STAU1: variants seen among roughly 807,000 people sequenced by gnomAD.
The protein encoded by STAU1 is double-stranded RNA-binding protein Staufen homolog 1.
A neutral mutation model predicts 62.9 loss-of-function variants in STAU1; 13 were observed. The observed-to-expected ratio is 0.21, with a 90% confidence interval of 0.13 to 0.33. STAU1 has a LOEUF of 0.33. Ranked by LOEUF, STAU1 falls within the 10% of genes least tolerant of loss-of-function variation. STAU1 has a pLI of 1.00. For missense variants in STAU1, 571 were observed against 712.1 expected, an observed-to-expected ratio of 0.80 and a Z score of 2.25; for synonymous variants, 269 against 265.1, an observed-to-expected ratio of 1.01 and a Z score of -0.14.
At chr20:49,203,917 C>A in the STAU1 span, among the ~76,000 whole-genome samples, 1 of 152,176 alleles carries the variant, frequency 6.6e-6, no homozygotes, top group African/African-American at 2.4e-5. Flanking sequence ...GAAATCCTGA[C>A]CTTGTGATCC....
At chr20:49,138,431 T>A (rs1238212099) in intron 5 of STAU1, among the ~76,000 whole-genome samples, 1 of 152,224 alleles carries the variant, frequency 6.6e-6, no homozygotes, top group African/African-American at 2.4e-5. Context: ...CTTTCCAATC[T>A]GGTTTCAGTG....
rs1420685216 is a variant in STAU1, at chr20:49,187,780, C to G, written c.-160+336G>C. 1.4e-4 allele frequency among the ~76,000 whole-genome samples: 8 copies of G among 55,632 alleles called. 1 individual carries two copies. In the South Asian group the frequency reaches 5.8e-3, roughly 40 times the overall value. 36.5% of individuals were successfully genotyped at this position (55,632 alleles called of 152,430 possible). A position where few individuals can be genotyped will look rare whatever the true frequency, so the allele number is the denominator to read the frequency against. On this transcript the variant is annotated intron_variant, in intron 1 of 13. Transcript: ENST00000371856. ...CGGGGACCTGAAGCAGGGACCCCCC[C>G]CCCCCCCCGCCTGCGCCCCAGCCCC...
At chr20:49,210,751 C>T in the STAU1 span, among the ~76,000 whole-genome samples, 1 of 152,080 alleles carries the variant, frequency 6.6e-6, no homozygotes, top group East Asian at 1.9e-4. Context: ...TCTATCATCC[C>T]CCATACTGCA....
chr20:49,114,762 T>A lies in STAU1; in HGVS notation c.*116A>T, dbSNP rs2092272695. The A allele has an allele frequency of 2.1e-6, 2 of 967,078 alleles. No individual in the cohort carries two copies. The highest frequency in any genetic ancestry group is 3.3e-5 in the African/African-American group (2 of 61,340). The allele number at this position is 967,078 out of a possible 1,614,324, so 59.9% of individuals were successfully genotyped here. On this transcript the variant is annotated 3_prime_UTR_variant, in exon 14 of 14. Transcript: ENST00000371856. Reference sequence around the variant, plus strand: ...CTTCCCTGCTGCTGCCCACATCCTTTACCCACCGTGTCTCTCGGCCCACTG... The same window carrying A: ...CTTCCCTGCTGCTGCCCACATCCTTAACCCACCGTGTCTCTCGGCCCACTG...
At chr20:49,181,533 G>A (rs554122670) in intron 1 of STAU1, among the ~76,000 whole-genome samples, 1 of 152,180 alleles carries the variant, frequency 6.6e-6, no homozygotes, top group South Asian at 2.1e-4. Flanking sequence ...GCGAGGCTAA[G>A]GCAGGCGGAT....
At chr20:49,218,032 C>T in the STAU1 span, among the ~76,000 whole-genome samples, 39 of 150,684 alleles carry the variant, frequency 2.6e-4, no homozygotes, top group East Asian at 7.7e-3. Flanking sequence ...CACCACCATG[C>T]CCGGCTAATT....
At chr20:49,164,125 G>T (rs971043425) in intron 3 of STAU1, among the ~76,000 whole-genome samples, 1 of 152,008 alleles carries the variant, frequency 6.6e-6, no homozygotes, top group Non-Finnish European at 1.5e-5. Flanking sequence ...AGCTACTCGG[G>T]AGGCTGAGGC....
chr20:49,178,796 G>A (rs1279961201), intron 1 of STAU1, among the ~76,000 whole-genome samples: 7 of 144,946 alleles, frequency 4.8e-5, no homozygotes, highest in East Asian at 2.1e-4. Context: ...AGGCATGGCC[G>A]GGCGCGGTGG....
chr20:49,155,086 TA>T (rs3091715), intron 3 of STAU1, among the ~76,000 whole-genome samples: 108,638 of 148,452 alleles, frequency 0.73, 40,239 homozygotes, highest in African/African-American at 0.87. Context: ...AACTCTGTCT[TA>T]AAAAAAAAAA....
At position 49,129,280 on chromosome 20, in the gene STAU1, A is replaced by ATTTTTTTTTT. The variant is rs71184264; in HGVS notation, c.610-4703_610-4694dup. Among the ~76,000 whole-genome samples, 11 of 87,926 alleles carry ATTTTTTTTTT rather than the reference A, an allele frequency of 1.3e-4. 1 individual carries two copies. The highest frequency in any genetic ancestry group is 3.3e-4 in the African/African-American group (7 of 21,340). 57.7% of individuals were successfully genotyped at this position (87,926 alleles called of 152,430 possible). On this transcript the variant is annotated intron_variant, in intron 6 of 13. Transcript: ENST00000371856. ...CCTGCTAGAATGACTTTAAAAAAAA[A>ATTTTTTTTTT]TTTTTTTTTTTTTTTTTTTTTTTTT...
the STAU1 span, among the ~76,000 whole-genome samples, chr20:49,217,325 A>G: frequency 1.3e-5 from 2 of 152,212 alleles, no homozygotes; most frequent in African/African-American, 4.8e-5. Context: ...AAGGAACTTG[A>G]TGGCAAAGTA....
chr20:49,176,334 C>G (rs1433487035), intron 1 of STAU1, among the ~76,000 whole-genome samples: 1 of 152,162 alleles, frequency 6.6e-6, no homozygotes, highest in African/African-American at 2.4e-5. Flanking sequence ...AAGTCCAAAT[C>G]ATAATCATTT....
chr20:49,149,053 C>G (rs140601169), intron 5 of STAU1, among the ~76,000 whole-genome samples: 88 of 152,212 alleles, frequency 5.8e-4, no homozygotes, highest in African/African-American at 2.0e-3. Context: ...GAGCTTGAGA[C>G]CAGCCTGGGC....
chr20:49,188,394 C>A, upstream of STAU1: 1 of 152,006 alleles, frequency 6.6e-6, no homozygotes, highest in South Asian at 1.9e-4. Flanking sequence ...GCGCCCGCCC[C>A]CGGCCCCCGC....
intron 6 of STAU1, among the ~76,000 whole-genome samples, chr20:49,128,958 A>T (rs899736582): frequency 6.6e-6 from 1 of 152,042 alleles, no homozygotes; most frequent in African/African-American, 2.4e-5. Context: ...AATTTAACAA[A>T]CTACACCTCA....
At chr20:49,188,531 C>G (rs1222900158), upstream of STAU1, among the ~76,000 whole-genome samples, 1 of 152,196 alleles carries the variant, frequency 6.6e-6, no homozygotes, top group Admixed American at 6.5e-5. Context: ...CGCCCTGTCC[C>G]GCCTGGACCG....
rs139256660 is a variant in STAU1 at position 49,184,647 on chromosome 20, A to C, written c.-160+3469T>G. 5.9e-5 allele frequency among the ~76,000 whole-genome samples: 9 copies of C among 152,356 alleles called. No homozygotes were observed. In the East Asian group the frequency reaches 1.5e-3, roughly 26 times the overall value. Reference sequence around the variant, plus strand: ...AAAAGAGAGCAACTTATTCTCAAGAAACTATATTTATGGTAACAATTCTCA... The same window carrying C: ...AAAAGAGAGCAACTTATTCTCAAGACACTATATTTATGGTAACAATTCTCA... On this transcript the variant is annotated intron_variant, in intron 1 of 13. Transcript: ENST00000371856.
chr20:49,134,682 T>C (rs1232384419), intron 6 of STAU1: 4 of 1,100,126 alleles, frequency 3.6e-6, no homozygotes, highest in Non-Finnish European at 5.6e-6. Context: ...GATAGGACCT[T>C]GATATATTTA....
chr20:49,216,033 A>AAAGAAG, the STAU1 span, among the ~76,000 whole-genome samples: 3 of 104,578 alleles, frequency 2.9e-5, no homozygotes, highest in East Asian at 3.1e-4. Context: ...AAAAAAAAAA[A>AAAGAAG]AAGAAGAAGA....
Sources: gnomAD v4.1 joint callset for allele counts (sites outside exome capture counted in the v4.1 genomes callset) on GRCh38, gnomAD v4.1.1 for gene constraint, MANE v1.5 for transcripts, NCBI Gene and HGNC (gene_info 2026-07-23, HGNC 2026-07-21) for gene names.